EPHA5: variants seen among roughly 807,000 people sequenced by gnomAD.
The protein encoded by EPHA5 is ephrin type-A receptor 5.
A neutral mutation model predicts 105.0 loss-of-function variants in EPHA5; 60 were observed. The ratio of observed to expected loss-of-function variants is 0.57; its 90% CI spans 0.46 to 0.71. EPHA5 has a LOEUF of 0.71. Among genes scored for constraint, EPHA5 ranks in the 30% least tolerant of loss-of-function variants. The pLI is 0.00. For synonymous variants in EPHA5, 513 were observed against 449.1 expected (o/e 1.14, Z -1.80); for missense variants, 1,218 against 1,274.7 (o/e 0.96, Z 0.68).
intron 5 of EPHA5, among the ~76,000 whole-genome samples, chr4:65,458,284 A>G (rs1228818824): frequency 6.6e-6 from 1 of 152,136 alleles, no homozygotes; most frequent in Non-Finnish European, 1.5e-5. Flanking sequence ...TAAATGAAAT[A>G]TTTATATTCT....
At chr4:65,492,502 A>G (rs541501536) in intron 4 of EPHA5, among the ~76,000 whole-genome samples, 1 of 146,544 alleles carries the variant, frequency 6.8e-6, no homozygotes, top group East Asian at 2.1e-4. Flanking sequence ...GCGCCAAGCC[A>G]AAAGAACCCC....
chr4:65,446,648 A>G (rs978830290), intron 5 of EPHA5, among the ~76,000 whole-genome samples: 2 of 151,268 alleles, frequency 1.3e-5, no homozygotes, highest in Non-Finnish European at 3.0e-5. Flanking sequence ...ATGTACAGAA[A>G]TAGTCACATA....
At chr4:65,377,815 A>G (rs1163704780) in intron 8 of EPHA5, among the ~76,000 whole-genome samples, 1 of 151,940 alleles carries the variant, frequency 6.6e-6, no homozygotes, top group South Asian at 2.1e-4. Context: ...TTGATAGAAA[A>G]CATGTAAACT....
intron 3 of EPHA5, among the ~76,000 whole-genome samples, chr4:65,542,201 C>A (rs1226723255): frequency 6.6e-6 from 1 of 151,486 alleles, no homozygotes. Flanking sequence ...GCAAACAAAT[C>A]AAAAAGCTAG....
Position 65,348,051 on chromosome 4 carries a change from C to T in EPHA5, c.2595+3G>A, listed in dbSNP as rs2148841410. ...AGTTGGGAAAGAGTAGTTCCATACT[C>T]ACATCTTGATTGGTCATCTCCCAGT... On this transcript the variant is annotated splice_donor_region_variant and intron_variant, in intron 14 of 16. Coordinates refer to ENST00000613740, the MANE Select transcript of EPHA5 (RefSeq NM_001281766.3). 2 of 1,600,234 alleles carry T rather than the reference C, an allele frequency of 1.2e-6. No individual in the cohort carries two copies. Among genetic ancestry groups the T allele is most frequent in the Non-Finnish European group, 1.7e-6 (2 of 1,174,388 alleles).
intron 5 of EPHA5, among the ~76,000 whole-genome samples, chr4:65,471,658 C>T (rs747070171): frequency 6.6e-6 from 1 of 151,854 alleles, no homozygotes; most frequent in Non-Finnish European, 1.5e-5. Flanking sequence ...TGGCAGGTGA[C>T]AGAGAGAGAG....
At chr4:65,575,707 C>T (rs1246124474) in intron 3 of EPHA5, among the ~76,000 whole-genome samples, 1 of 152,056 alleles carries the variant, frequency 6.6e-6, no homozygotes, top group Non-Finnish European at 1.5e-5. Context: ...CGTGGTGGCT[C>T]ACACCTGTAA....
intron 5 of EPHA5, among the ~76,000 whole-genome samples, chr4:65,436,502 C>A (rs1725496520): frequency 6.6e-6 from 1 of 151,794 alleles, no homozygotes; most frequent in South Asian, 2.1e-4. Context: ...AAATCACCCC[C>A]AAATAACTAA....
chr4:65,562,741 TTC>T (rs1394742399), intron 3 of EPHA5, among the ~76,000 whole-genome samples: 2 of 152,050 alleles, frequency 1.3e-5, no homozygotes, highest in Admixed American at 6.6e-5. Context: ...TTTTGAAATA[TTC>T]TGTTTTTAAG....
At chr4:65,630,641 G>T (rs1229126272) in intron 2 of EPHA5, among the ~76,000 whole-genome samples, 1 of 151,984 alleles carries the variant, frequency 6.6e-6, no homozygotes, top group Non-Finnish European at 1.5e-5. Context: ...TTCCACTCCT[G>T]CTCTAACACT....
At chr4:65,465,177 C>T (rs1728491234) in intron 5 of EPHA5, among the ~76,000 whole-genome samples, 1 of 151,986 alleles carries the variant, frequency 6.6e-6, no homozygotes, top group African/African-American at 2.4e-5. Flanking sequence ...GTGGCTCACA[C>T]CTGTAATCCT....
intron 8 of EPHA5, among the ~76,000 whole-genome samples, chr4:65,397,610 G>GT (rs35764521): frequency 0.028 from 4,213 of 149,434 alleles, 171 homozygotes; most frequent in African/African-American, 0.097. Flanking sequence ...TAGATTTCTA[G>GT]TTTTTTTTTT....
chr4:65,509,556 A>C (rs1052893381), intron 3 of EPHA5, among the ~76,000 whole-genome samples: 1 of 152,200 alleles, frequency 6.6e-6, no homozygotes, highest in Non-Finnish European at 1.5e-5. Flanking sequence ...TAAGATGAGA[A>C]CTTAAACTTT....
At chr4:65,393,292 T>C (rs1036585024) in intron 8 of EPHA5, among the ~76,000 whole-genome samples, 1 of 152,144 alleles carries the variant, frequency 6.6e-6, no homozygotes, top group Non-Finnish European at 1.5e-5. Flanking sequence ...AAGTGTAACT[T>C]CTCTATCCTC....
rs181080480 is a variant in EPHA5 at position 65,624,921 on chromosome 4, T to A, written c.246+18442A>T. 4.9e-3 allele frequency among the ~76,000 whole-genome samples: 743 copies of A among 152,260 alleles called. 10 individuals carry two copies. The highest frequency in any genetic ancestry group is 0.017 in the African/African-American group (709 of 41,568). ...AAGAGATGAGTGTGCTTAGAACAGC[T>A]TATGTCACATAGCAAAATAAAAGTG... On this transcript the variant is annotated intron_variant, in intron 2 of 16. Transcript: ENST00000613740.
chr4:65,418,958 A>G (rs905043897), intron 6 of EPHA5, among the ~76,000 whole-genome samples: 4 of 129,874 alleles, frequency 3.1e-5, no homozygotes, highest in Admixed American at 9.9e-5. Context: ...ATCTTGGCTC[A>G]CTGCAACCTC....
chr4:65,398,359 G>A (rs1395635587), intron 8 of EPHA5, among the ~76,000 whole-genome samples: 2 of 152,160 alleles, frequency 1.3e-5, no homozygotes, highest in East Asian at 1.9e-4. Context: ...AGAGAGTTGA[G>A]GGAAATCTGA....
intron 5 of EPHA5, among the ~76,000 whole-genome samples, chr4:65,421,616 G>C (rs1723953489): frequency 6.6e-6 from 1 of 152,068 alleles, no homozygotes; most frequent in East Asian, 1.9e-4. Flanking sequence ...CTTTACTATA[G>C]TAAAATCATT....
At chr4:65,448,252 T>C (rs1726748888) in intron 5 of EPHA5, among the ~76,000 whole-genome samples, 1 of 149,184 alleles carries the variant, frequency 6.7e-6, no homozygotes, top group African/African-American at 2.5e-5. Flanking sequence ...CAAAGAATAG[T>C]CAAAACAAGT....
Sources: allele counts gnomAD v4.1 joint callset (sites outside exome capture counted in the v4.1 genomes callset), GRCh38; gene constraint gnomAD v4.1.1; transcripts MANE v1.5; gene names NCBI Gene and HGNC (gene_info 2026-07-23, HGNC 2026-07-21).